Variants in ANO3 observed in about 807,000 individuals in gnomAD.
The protein encoded by ANO3 is anoctamin-3.
Under a neutral mutation model 144.8 loss-of-function variants are expected in ANO3, and 99 were observed. The observed-to-expected ratio is 0.68, with a 90% confidence interval of 0.58 to 0.81. The LOEUF (loss-of-function observed/expected upper bound fraction) is 0.81, where lower values mean the gene tolerates loss of function less well. Ranked by LOEUF, ANO3 falls within the 30% of genes least tolerant of loss-of-function variation. The pLI, the probability that ANO3 is intolerant of heterozygous loss-of-function variation, is 0.00. For synonymous variants in ANO3, 414 were observed against 392.6 expected (o/e 1.05, Z -0.64); for missense variants, 905 against 1,202.2 (o/e 0.75, Z 3.66).
At chr11:26,553,177 G>T (rs1849981972) in intron 12 of ANO3, 72 bp from the exon 13 acceptor site, 2 of 1,105,028 alleles carry the variant, frequency 1.8e-6, no homozygotes, top group Non-Finnish European at 1.4e-6. Context: ...ATTTGCTGTA[G>T]GGGCTAAGTG....
At chr11:26,235,322 C>T (rs1564928283) in intron 1 of ANO3, among the ~76,000 whole-genome samples, 2 of 152,062 alleles carry the variant, frequency 1.3e-5, no homozygotes, top group East Asian at 1.9e-4. Context: ...AACCATGGTA[C>T]AATAATAAAA....
At chr11:26,221,894 C>A (rs570040480) in intron 1 of ANO3, among the ~76,000 whole-genome samples, 2 of 152,304 alleles carry the variant, frequency 1.3e-5, no homozygotes, top group East Asian at 3.9e-4. Flanking sequence ...ATACCTCCCA[C>A]AAGGCCCGCC....
chr11:26,579,524 T>A (rs1191535583), intron 14 of ANO3, among the ~76,000 whole-genome samples: 1 of 152,176 alleles, frequency 6.6e-6, no homozygotes, highest in Non-Finnish European at 1.5e-5. Flanking sequence ...TATACATACC[T>A]TAAACAATTT....
intron 3 of ANO3, among the ~76,000 whole-genome samples, chr11:26,452,748 C>T (rs901305304): frequency 1.3e-4 from 19 of 151,722 alleles, no homozygotes; most frequent in Admixed American, 6.6e-4. Flanking sequence ...AGATACTCCT[C>T]GAGAAGAGCA....
intron 1 of ANO3, among the ~76,000 whole-genome samples, chr11:26,313,933 C>T (rs1331100873): frequency 1.3e-5 from 2 of 149,502 alleles, no homozygotes; most frequent in Non-Finnish European, 1.5e-5. Context: ...GAGATAGAGA[C>T]AGAAGTGAGC....
At chr11:26,237,160 T>G (rs776271089) in intron 1 of ANO3, among the ~76,000 whole-genome samples, 9 of 152,140 alleles carry the variant, frequency 5.9e-5, no homozygotes, top group Admixed American at 2.0e-4. Flanking sequence ...AATCGAGATT[T>G]TTCAATCTAT....
chr11:26,609,248 G>T (rs967889689), intron 17 of ANO3, among the ~76,000 whole-genome samples: 9 of 152,136 alleles, frequency 5.9e-5, no homozygotes, highest in Non-Finnish European at 1.2e-4. Flanking sequence ...CCACTCAGTG[G>T]AGCACACCAG....
chr11:26,448,183 C>A (rs1858775395), intron 3 of ANO3, among the ~76,000 whole-genome samples: 1 of 151,720 alleles, frequency 6.6e-6, no homozygotes, highest in African/African-American at 2.4e-5. Context: ...CCTGTAATCC[C>A]AGCTACTAGG....
chr11:26,537,547 T>A, intron 10 of ANO3, 86 bp downstream of exon 10: 1 of 1,144,780 alleles, frequency 8.7e-7, no homozygotes. Flanking sequence ...AATCTAGCTG[T>A]CCACTCCCAG....
chr11:26,556,843 T>C (rs16915950), intron 13 of ANO3, among the ~76,000 whole-genome samples: 29,268 of 151,940 alleles, frequency 0.19, 2,868 homozygotes, highest in South Asian at 0.26. Flanking sequence ...CATGGTTGAA[T>C]CTGCCAAGGA....
At chr11:26,329,307 C>G (rs1281796219), upstream of ANO3, among the ~76,000 whole-genome samples, 1 of 76,854 alleles carries the variant, frequency 1.3e-5, no homozygotes, top group Non-Finnish European at 3.6e-5. Context: ...CACACACACA[C>G]ACACACACAC....
intron 4 of ANO3, among the ~76,000 whole-genome samples, chr11:26,505,037 AAAG>A (rs1565066906): frequency 5.6e-5 from 7 of 124,258 alleles, no homozygotes; most frequent in Admixed American, 2.7e-4. Flanking sequence ...AAAAAAAAAA[AAAG>A]AAGAGAAAAG....
chr11:26,366,243 T>C (rs1027829609), intron 1 of ANO3, among the ~76,000 whole-genome samples: 6 of 151,484 alleles, frequency 4.0e-5, no homozygotes, highest in Admixed American at 2.0e-4. Flanking sequence ...GAACATGCGG[T>C]GTTTGGTTTT....
At chr11:26,255,138 G>A (rs886145063) in intron 1 of ANO3, among the ~76,000 whole-genome samples, 1 of 152,176 alleles carries the variant, frequency 6.6e-6, no homozygotes, top group Non-Finnish European at 1.5e-5. Context: ...ATGTATCTCA[G>A]AGAGATTAAT....
intron 17 of ANO3, among the ~76,000 whole-genome samples, chr11:26,604,098 C>T (rs1851872685): frequency 6.6e-6 from 1 of 152,086 alleles, no homozygotes; most frequent in South Asian, 2.1e-4. Context: ...CTCTCTCAAT[C>T]CTCCCCTCCC....
chr11:26,655,056 A>T (rs990227123), intron 24 of ANO3, among the ~76,000 whole-genome samples: 3 of 152,110 alleles, frequency 2.0e-5, no homozygotes, highest in African/African-American at 7.2e-5. Flanking sequence ...TCCTTCTTGC[A>T]GGAGGATTTG....
chr11:26,417,445 T>C (rs1341505430), intron 1 of ANO3, among the ~76,000 whole-genome samples: 1 of 152,030 alleles, frequency 6.6e-6, no homozygotes, highest in Admixed American at 6.6e-5. Flanking sequence ...GCTCCAAAAT[T>C]GGGGCTTGGC....
At chr11:26,545,291 T>C (rs187311369) in intron 11 of ANO3, among the ~76,000 whole-genome samples, 33 of 152,200 alleles carry the variant, frequency 2.2e-4, no homozygotes, top group Admixed American at 1.0e-3. Flanking sequence ...GCCTGTATTG[T>C]CTCATGCTGA....
rs1853615943 is a variant in ANO3 at position 26,278,844 on chromosome 11, CT to C, written c.155-30800del. Among the ~76,000 whole-genome samples the C allele has an allele frequency of 3.3e-5, 5 of 152,142 alleles. No individual in the cohort carries two copies. The South Asian group carries it at 1.0e-3, about 31-fold the overall frequency. ...CAGTCTTCTTCTGAGGGAAACTAAA[CT>C]AGACTTAATGTCTGTGTGTGTGCAT... On this transcript the variant is annotated intron_variant, in intron 1 of 27. Transcript: ENST00000672621.
Sources: gnomAD v4.1 joint callset for allele counts (sites outside exome capture counted in the v4.1 genomes callset) on GRCh38, gnomAD v4.1.1 for gene constraint, MANE v1.5 for transcripts, NCBI Gene and HGNC (gene_info 2026-07-23, HGNC 2026-07-21) for gene names.